BPIFB2: variants seen among roughly 807,000 people sequenced by gnomAD.
BPIFB2 encodes the protein BPI fold-containing family B member 2.
BPIFB2 carries 39 observed loss-of-function variants against 50.1 expected under a neutral mutation model. The observed-to-expected ratio is 0.78, with a 90% CI of 0.60 to 1.02. BPIFB2 has a LOEUF of 1.02. Ranked by LOEUF, BPIFB2 falls within the 50% of genes least tolerant of loss-of-function variation. The probability of loss-of-function intolerance (pLI) is 0.00; values close to 1 mark genes in which losing one functional copy is unlikely to be tolerated. For missense variants in BPIFB2, 574 were observed against 585.8 expected, an observed-to-expected ratio of 0.98 and a Z score of 0.21; for synonymous variants, 280 against 256.3, an observed-to-expected ratio of 1.09 and a Z score of -0.88.
Position 33,023,404 on chromosome 20 carries a change from T to C in BPIFB2, c.*21T>C. ...GCTGAGGCAAGACCACTGGGAGGCC[T>C]GAGAGTGGGCCAGCTCGCTGCTCAG... On this transcript the variant is annotated 3_prime_UTR_variant, in exon 16 of 16. Transcript: ENST00000170150. The C allele has an allele frequency of 6.2e-7, 1 of 1,612,698 alleles. No homozygotes were observed. Among genetic ancestry groups the C allele is most frequent in the Non-Finnish European group, 8.5e-7 (1 of 1,178,714 alleles).
chr20:33,021,378 C>G lies in BPIFB2; in HGVS notation c.1258+34C>G, dbSNP rs1256885461. ...TGCCCTCCACCCCAGCAGGGCCCCT[C>G]TGGCCCCCTCCATATCCCACATCTG... On this transcript the variant is annotated intron_variant, in intron 14 of 15. Transcript: ENST00000170150. The G allele has an allele frequency of 2.5e-6, 4 of 1,587,078 alleles. No homozygotes were observed. The East Asian group carries it at 9.1e-5, about 36-fold the overall frequency.
In BPIFB2 at chr20:33,009,406, C is replaced by T. The variant is rs537487057; in HGVS notation, c.109+723C>T. ...AAACATGTTTATTCACCTCGAGTTG[C>T]CTCCCGGTGAGAATTTGGTTTCCCA... On this transcript the variant is annotated intron_variant, in intron 2 of 15. Transcript: ENST00000170150. This position sits in a 1 kb window ranked among gnomAD's most constrained non-coding sequence, Gnocchi z 4.2. Among the ~76,000 whole-genome samples the T allele has an allele frequency of 2.0e-5, 3 of 152,304 alleles. No homozygotes were observed. The South Asian group carries it at 6.2e-4, about 32-fold the overall frequency.
intron 15 of BPIFB2, among the ~76,000 whole-genome samples, chr20:33,022,470 T>C (rs1409104553): frequency 2.6e-5 from 4 of 152,156 alleles, no homozygotes; most frequent in Non-Finnish European, 5.9e-5. Context: ...GAACGATTGG[T>C]ACACAGAGGA....
At chr20:33,017,148 C>T (rs776751316) in intron 7 of BPIFB2, 46 bp downstream of exon 7, 17 of 1,578,434 alleles carry the variant, frequency 1.1e-5, no homozygotes, top group Admixed American at 3.3e-5. Flanking sequence ...TCTGGGACCC[C>T]CTGGAGCCCC....
Position 33,019,729 on chromosome 20 carries a change from G to A in BPIFB2, c.1059G>A (p.Gln353=), listed in dbSNP as rs2146354867. Residue 353 remains glutamine (Q), a synonymous_variant, in exon 11 of 16, where the codon CAG becomes CAA. Coordinates refer to ENST00000170150, the MANE Select transcript of BPIFB2 (RefSeq NM_025227.3). ...CCACAGCCTCCAACTCGGCTTTCCA[G>A]TCCCTCTTCTCCCTGGATGTGGTGA... The part of the protein sequence containing the change: ...VLATASNSAF[Q]SLFSLDVVVN... 1 of 1,609,454 alleles carries A rather than the reference G, an allele frequency of 6.2e-7. No individual in the cohort carries two copies. The highest frequency in any genetic ancestry group is 2.2e-5 in the East Asian group (1 of 44,770).
At chr20:33,019,036 G>A (rs780994589) in intron 9 of BPIFB2, 26 bp from the exon 10 acceptor site, 14 of 1,614,068 alleles carry the variant, frequency 8.7e-6, no homozygotes, top group East Asian at 6.7e-5. Flanking sequence ...CCTAAAACCT[G>A]TTGTGGCCTG....
chr20:33,013,376 G>T (rs1401866670), intron 4 of BPIFB2, among the ~76,000 whole-genome samples: 1 of 152,158 alleles, frequency 6.6e-6, no homozygotes. Context: ...CTCTTATCTA[G>T]CTTCTCTACC....
intron 10 of BPIFB2, among the ~76,000 whole-genome samples, 176 bp from the exon 11 acceptor site, chr20:33,019,404 C>T (rs182699221): frequency 1.3e-5 from 2 of 152,250 alleles, no homozygotes; most frequent in Non-Finnish European, 2.9e-5. Context: ...GAGATCCAAC[C>T]CCCTCGTCTT....
chr20:33,019,248 C>CCCAAG, intron 10 of BPIFB2, 133 bp downstream of exon 10: 3 of 1,116,088 alleles, frequency 2.7e-6, no homozygotes, highest in Non-Finnish European at 4.0e-6. Context: ...CCTACTCCTC[C>CCCAAG]ATCTTGGGGA....
rs1455704607 is a variant in BPIFB2 at position 33,019,762 on chromosome 20, G to A, written c.1080+12G>A. On this transcript the variant is annotated intron_variant, in intron 11 of 15. Coordinates refer to ENST00000170150, the MANE Select transcript of BPIFB2 (RefSeq NM_025227.3). ...TCTCCCTGGATGTGGTGAGTGCGGT[G>A]GGGCTGGTCGGAAGGCAGGCAACTG... 6.4e-7 allele frequency: 1 copy of A among 1,573,378 alleles called. No individual in the cohort carries two copies. Among genetic ancestry groups the A allele is most frequent in the African/African-American group, 1.4e-5 (1 of 73,978 alleles).
At position 33,012,895 on chromosome 20, in the gene BPIFB2, TC is replaced by T. The variant is rs1990308877; in HGVS notation, c.297del (p.Phe99LeufsTer12). ...VRLLAAANFT[F>X]KVFRAPEPLE... ...CTGCTGGCAGCAGCTAATTTTACTT[TC>T]AAGGTCTTTCGGTGAGCGGATCTCC... is the stretch of plus-strand genomic sequence containing the variant. On this transcript the variant is annotated frameshift_variant, in exon 4 of 16. Coordinates refer to ENST00000170150, the MANE Select transcript of BPIFB2 (RefSeq NM_025227.3). LOFTEE classifies it high-confidence loss of function. 1 of 1,611,598 alleles carries T rather than the reference TC, an allele frequency of 6.2e-7. No individual in the cohort carries two copies.
Position 33,018,912 on chromosome 20 carries a change from TG to T in BPIFB2, c.855+93del, listed in dbSNP as rs542994217. 3.7e-5 allele frequency: 58 copies of T among 1,566,382 alleles called. No individual in the cohort carries two copies. In the East Asian group the frequency reaches 1.1e-3, roughly 31 times the overall value. On this transcript the variant is annotated intron_variant, in intron 9 of 15. Transcript: ENST00000170150. ...GACCTCCCAGAGGCCAAATCATGGGTGGGTGGGGCCGCTGAAGCTGGCGCCA... is the reference window on the plus strand; with the variant it reads ...GACCTCCCAGAGGCCAAATCATGGGTGGTGGGGCCGCTGAAGCTGGCGCCA...
In BPIFB2 at chr20:33,019,687, C is replaced by G. The variant is rs1314103005; in HGVS notation, c.1017C>G (p.Pro339=). The part of the protein sequence containing the change: ...HTNNATLRLQ[P]FVEVLATASN... Reference sequence around the variant, plus strand: ...ACAACGCCACCCTGCGGCTGCAGCCCTTCGTGGAGGTCCTGGCCACAGCCT... The same window carrying G: ...ACAACGCCACCCTGCGGCTGCAGCCGTTCGTGGAGGTCCTGGCCACAGCCT... The change falls in exon 11 of 16, where the codon CCC becomes CCG. Residue 339 remains proline, a synonymous_variant. Coordinates refer to ENST00000170150, the MANE Select transcript of BPIFB2 (RefSeq NM_025227.3). The G allele has an allele frequency of 1.2e-6, 2 of 1,612,536 alleles. No individual in the cohort carries two copies. Among genetic ancestry groups the G allele is most frequent in the South Asian group, 1.1e-5 (1 of 90,690 alleles).
In BPIFB2 at chr20:33,020,388, G is replaced by C. The variant is rs200633351; in HGVS notation, c.1141G>C (p.Val381Leu). 6.2e-7 allele frequency: 1 copy of C among 1,614,144 alleles called. No individual in the cohort carries two copies. The highest frequency in any genetic ancestry group is 8.5e-7 in the Non-Finnish European group (1 of 1,180,000). The stretch of plus-strand genomic sequence containing the variant: ...GGTGAAGCTTCAGGGGACCACGTCT[G>C]TGCTGGGGTAAACGAGCCCACCTGG... ...SKVKLQGTTS[V>L]LGDVQLTVAS... Residue 381 changes from valine to leucine, a missense_variant, in exon 12 of 16, where the codon GTG becomes CTG. Coordinates refer to ENST00000170150, the MANE Select transcript of BPIFB2 (RefSeq NM_025227.3).
chr20:33,022,529 G>A (rs1978713864), intron 15 of BPIFB2, among the ~76,000 whole-genome samples: 2 of 152,228 alleles, frequency 1.3e-5, no homozygotes, highest in Non-Finnish European at 2.9e-5. Flanking sequence ...CAGGCAGTTA[G>A]TGGCTGACCC....
rs754608994 is a variant in BPIFB2 at position 33,011,070 on chromosome 20, T to A, written c.156T>A (p.Thr52=). 1 of 1,614,096 alleles carries A rather than the reference T, an allele frequency of 6.2e-7. No homozygotes were observed. Among genetic ancestry groups the A allele is most frequent in the Non-Finnish European group, 8.5e-7 (1 of 1,179,992 alleles). The stretch of plus-strand genomic sequence containing the variant: ...CTCTCCAGCGGGCCCTGCAGGTCAC[T>A]GTCCCTCATTTCCTGGACTGGAGTG... ...KAPLQRALQV[T]VPHFLDWSGE... Residue 52 remains threonine (T), a synonymous_variant, in exon 3 of 16, where the codon ACT becomes ACA. Transcript: ENST00000170150.
intron 5 of BPIFB2, among the ~76,000 whole-genome samples, chr20:33,014,819 G>A (rs928583736): frequency 6.6e-6 from 1 of 152,226 alleles, no homozygotes; most frequent in African/African-American, 2.4e-5. Flanking sequence ...CTTACAGGCA[G>A]GGGATGCTCA....
intron 15 of BPIFB2, among the ~76,000 whole-genome samples, chr20:33,022,194 T>A (rs1600516992): frequency 1.3e-5 from 2 of 152,272 alleles, no homozygotes; most frequent in South Asian, 4.1e-4. Flanking sequence ...CCTGAAATTG[T>A]GGGCCCAGGG....
chr20:33,014,219 A>C (rs554160163), intron 5 of BPIFB2, among the ~76,000 whole-genome samples: 2 of 151,978 alleles, frequency 1.3e-5, no homozygotes, highest in South Asian at 4.2e-4. Flanking sequence ...CTATTAGCAC[A>C]CTCTTTGGGG....
Sources: gnomAD v4.1 joint callset for allele counts (sites outside exome capture counted in the v4.1 genomes callset) on GRCh38, gnomAD v4.1.1 for gene constraint, Gnocchi (gnomAD v3.1) non-coding constraint, MANE v1.5 for transcripts, NCBI Gene and HGNC (gene_info 2026-07-23, HGNC 2026-07-21) for gene names.